Variants in GRK3 observed in about 807,000 individuals in gnomAD.
The protein encoded by GRK3 is adrenergic, beta, receptor kinase 2.
A neutral mutation model predicts 95.7 loss-of-function variants in GRK3; 54 were observed. The ratio of observed to expected loss-of-function variants is 0.56; its 90% CI spans 0.45 to 0.71. GRK3 has a LOEUF of 0.71. Ranked by LOEUF, GRK3 falls within the 30% of genes least tolerant of loss-of-function variation. The pLI is 0.00. For synonymous variants in GRK3, 281 were observed against 290.8 expected (o/e 0.97, Z 0.34); for missense variants, 649 against 851.2 (o/e 0.76, Z 2.96).
chr22:25,709,940 C>G lies in GRK3; in HGVS notation c.1371C>G (p.Asp457Glu). 6.2e-7 allele frequency: 1 copy of G among 1,613,898 alleles called. No individual in the cohort carries two copies. The highest frequency in any genetic ancestry group is 8.5e-7 in the Non-Finnish European group (1 of 1,179,764). ...AGCACAGCTTTTTCAAAGGTGTTGA[C>G]TGGCAGCATGTCTACTTACAAAAGG... ...VKEHSFFKGV[D>E]WQHVYLQKYP... The change falls in exon 16 of 21, where the codon GAC becomes GAG. Residue 457 changes from aspartate to glutamate, a missense_variant. Physicochemically the swap from Asp to Glu is conservative, Grantham distance 45 (BLOSUM62 2). This residue lies in a region of GRK3 where 382 missense variants were observed against 493.8 expected (regional missense o/e 0.77). Coordinates refer to ENST00000324198, the MANE Select transcript of GRK3 (RefSeq NM_005160.4).
intron 1 of GRK3, among the ~76,000 whole-genome samples, chr22:25,593,326 C>T (rs1047470862): frequency 6.6e-6 from 1 of 152,112 alleles, no homozygotes; most frequent in African/African-American, 2.4e-5. Context: ...CCCATTTCTC[C>T]GAAGACTTGC....
intron 1 of GRK3, among the ~76,000 whole-genome samples, chr22:25,587,750 C>T (rs936731374): frequency 2.0e-5 from 3 of 152,290 alleles, no homozygotes; most frequent in East Asian, 3.9e-4. Context: ...ACACTGTTCT[C>T]GTGGCAGTGA....
chr22:25,668,183 C>A (rs1475040444), intron 6 of GRK3, among the ~76,000 whole-genome samples: 1 of 152,172 alleles, frequency 6.6e-6, no homozygotes, highest in Non-Finnish European at 1.5e-5. Flanking sequence ...GTACTTGATT[C>A]TTCATGTAGG....
intron 4 of GRK3, 44 bp downstream of exon 4, chr22:25,661,721 A>T: frequency 8.1e-7 from 1 of 1,238,198 alleles, no homozygotes; most frequent in Non-Finnish European, 1.2e-6. Flanking sequence ...CTGATGAATA[A>T]GGGACCATGT....
At chr22:25,582,063 G>T (rs545530169) in intron 1 of GRK3, among the ~76,000 whole-genome samples, 3 of 152,252 alleles carry the variant, frequency 2.0e-5, no homozygotes, top group Non-Finnish European at 4.4e-5. Flanking sequence ...GATCACCTGA[G>T]GTCAGGAGTT....
At chr22:25,648,203 T>C (rs1343638487) in intron 3 of GRK3, 20 of 750,520 alleles carry the variant, frequency 2.7e-5, no homozygotes, top group Non-Finnish European at 4.9e-5. Context: ...CTATTCGTGA[T>C]TGGGATGAGG....
intron 3 of GRK3, among the ~76,000 whole-genome samples, chr22:25,651,784 T>A (rs1441571391): frequency 1.3e-5 from 2 of 152,222 alleles, no homozygotes; most frequent in Non-Finnish European, 1.5e-5. Context: ...TAATGTGTAT[T>A]CATTTTAAAT....
Position 25,689,280 on chromosome 22 carries a change from G to T in GRK3, c.958-909G>T, listed in dbSNP as rs185717797. On this transcript the variant is annotated intron_variant, in intron 11 of 20. Coordinates refer to ENST00000324198, the MANE Select transcript of GRK3 (RefSeq NM_005160.4). ...CAAAAGAACAAAACACATGCTGACG[G>T]CCCATGAAGCGCTATTGTAATACAT... 2.4e-3 allele frequency among the ~76,000 whole-genome samples: 365 copies of T among 152,226 alleles called. 4 individuals are homozygous for T. The Middle Eastern group carries it at 0.031, about 13-fold the overall frequency.
rs192611634 is a variant in GRK3 at position 25,725,621 on chromosome 22, A to G, written c.*3171A>G. ...GCTCATGCCTCTGATTGGTCCATTC[A>G]CTGACGTGACAATTTCAGGTCCTAT... On this transcript the variant is annotated 3_prime_UTR_variant, in exon 21 of 21. Coordinates refer to ENST00000324198, the MANE Select transcript of GRK3 (RefSeq NM_005160.4). The G allele has an allele frequency of 8.2e-4, 328 of 398,448 alleles. No individual in the cohort carries two copies. Among genetic ancestry groups the G allele is most frequent in the African/African-American group, 6.0e-3 (293 of 48,650 alleles). The allele number at this position is 398,448 out of a possible 1,614,324, so 24.7% of individuals were successfully genotyped here.
chr22:25,652,388 T>C (rs1013666666), intron 3 of GRK3, among the ~76,000 whole-genome samples: 1 of 151,980 alleles, frequency 6.6e-6, no homozygotes, highest in Non-Finnish European at 1.5e-5. Flanking sequence ...ATGATCCAGA[T>C]GGAGATGCAG....
chr22:25,703,360 C>T, intron 13 of GRK3, 150 bp from the exon 14 acceptor site: 1 of 578,440 alleles, frequency 1.7e-6, no homozygotes, highest in East Asian at 2.8e-5. Flanking sequence ...CCAGTTCTTC[C>T]ATGGAAATGA....
At position 25,708,726 on chromosome 22, in the gene GRK3, A is replaced by C. The variant is rs1443514288; in HGVS notation, c.1329-1172A>C. Among the ~76,000 whole-genome samples the C allele has an allele frequency of 2.0e-5, 3 of 151,700 alleles. No individual in the cohort carries two copies. The South Asian group carries it at 6.2e-4, about 32-fold the overall frequency. ...ACTCAGGCTGGAGTGCAATGGCACAATCTCGGCTCACTGCAACCTCCACCT... is the reference window on the plus strand; with the variant it reads ...ACTCAGGCTGGAGTGCAATGGCACACTCTCGGCTCACTGCAACCTCCACCT... On this transcript the variant is annotated intron_variant, in intron 15 of 20. Coordinates refer to ENST00000324198, the MANE Select transcript of GRK3 (RefSeq NM_005160.4).
chr22:25,571,297 A>G (rs947109226), intron 1 of GRK3, among the ~76,000 whole-genome samples: 5 of 152,324 alleles, frequency 3.3e-5, no homozygotes, highest in African/African-American at 1.2e-4. Context: ...GCAGCTTGCT[A>G]TGGGACCTCT....
At chr22:25,604,237 C>G in intron 1 of GRK3, 140 bp from the exon 2 acceptor site, 1 of 545,304 alleles carries the variant, frequency 1.8e-6, no homozygotes. Flanking sequence ...TTAGGCTGGT[C>G]TGCATTTCAC....
At chr22:25,598,629 C>T (rs1033633382) in intron 1 of GRK3, among the ~76,000 whole-genome samples, 4 of 151,962 alleles carry the variant, frequency 2.6e-5, no homozygotes, top group African/African-American at 4.8e-5. Flanking sequence ...GAGCCATGAT[C>T]TCATCACTAT....
intron 1 of GRK3, among the ~76,000 whole-genome samples, chr22:25,580,058 C>A (rs1192691479): frequency 6.6e-6 from 1 of 152,094 alleles, no homozygotes; most frequent in African/African-American, 2.4e-5. Flanking sequence ...GTATTCCTGC[C>A]CCCAAATGGT....
intron 18 of GRK3, among the ~76,000 whole-genome samples, chr22:25,716,555 G>A (rs2085386834): frequency 6.6e-6 from 1 of 151,950 alleles, no homozygotes; most frequent in South Asian, 2.1e-4. Context: ...TGCATAAGTA[G>A]GTCTTGGCTG....
intron 1 of GRK3, among the ~76,000 whole-genome samples, chr22:25,602,887 T>G (rs920506927): frequency 1.3e-5 from 2 of 152,184 alleles, no homozygotes; most frequent in African/African-American, 4.8e-5. Flanking sequence ...CATAGGTGTA[T>G]ATGTTTGTCA....
intron 1 of GRK3, among the ~76,000 whole-genome samples, chr22:25,578,632 C>T (rs1475140953): frequency 6.6e-6 from 1 of 152,018 alleles, no homozygotes; most frequent in Non-Finnish European, 1.5e-5. Context: ...GGTGTCAGAG[C>T]GATGCAACAT....
Sources: gnomAD v4.1 joint callset for allele counts (sites outside exome capture counted in the v4.1 genomes callset) on GRCh38, gnomAD v4.1.1 for gene constraint, gnomAD v4.1.1 regional missense constraint, MANE v1.5 for transcripts, NCBI Gene and HGNC (gene_info 2026-07-23, HGNC 2026-07-21) for gene names.